The following RSAD2 variants were observed in gnomAD, a reference collection of about 807,000 sequenced individuals.
RSAD2 encodes radical S-adenosyl methionine domain containing 2, also known as S-adenosylmethionine-dependent nucleotide dehydratase RSAD2.
Under a neutral mutation model 37.7 loss-of-function variants are expected in RSAD2, and 38 were observed. The ratio of observed to expected loss-of-function variants is 1.01; its 90% CI spans 0.78 to 1.32. The LOEUF is 1.32. Ranked by LOEUF, RSAD2 falls within the 40% of genes most tolerant of loss-of-function variation. RSAD2 has a pLI of 0.00. For synonymous variants in RSAD2, 163 were observed against 157.4 expected (o/e 1.04, Z -0.27); for missense variants, 428 against 437.5 (o/e 0.98, Z 0.19).
At chr2:6,882,053 C>A (rs1237139505) in intron 1 of RSAD2, among the ~76,000 whole-genome samples, 1 of 152,142 alleles carries the variant, frequency 6.6e-6, no homozygotes, top group African/African-American at 2.4e-5. Context: ...AGAGTAAAGA[C>A]CAAGGATATT....
chr2:6,869,860 A>G (rs1663173052), intron 1 of RSAD2, among the ~76,000 whole-genome samples: 1 of 152,210 alleles, frequency 6.6e-6, no homozygotes. Context: ...CCCAGTAGCC[A>G]TTTGCTGACT....
At chr2:6,879,785 A>T (rs996807671) in intron 1 of RSAD2, among the ~76,000 whole-genome samples, 9 of 152,164 alleles carry the variant, frequency 5.9e-5, no homozygotes, top group Non-Finnish European at 1.0e-4. Flanking sequence ...TAGAGGCTTA[A>T]GAAATGTTTT....
At chr2:6,891,860 G>A (rs772020159) in intron 4 of RSAD2, among the ~76,000 whole-genome samples, 17 of 152,142 alleles carry the variant, frequency 1.1e-4, no homozygotes, top group Non-Finnish European at 2.1e-4. Context: ...TAGGTTCACA[G>A]AATGAAATGT....
intron 1 of RSAD2, among the ~76,000 whole-genome samples, chr2:6,871,140 C>T (rs939420728): frequency 5.3e-5 from 8 of 152,144 alleles, no homozygotes; most frequent in African/African-American, 1.9e-4. Flanking sequence ...CATCTCTCTT[C>T]GGGAAAATAA....
chr2:6,893,484 G>A (rs1402785380), intron 4 of RSAD2, among the ~76,000 whole-genome samples, 187 bp from the exon 5 acceptor site: 3 of 152,196 alleles, frequency 2.0e-5, no homozygotes, highest in African/African-American at 4.8e-5. Context: ...GGCCTGCTGT[G>A]ATCTGTTGAA....
At position 6,872,532 on chromosome 2, in the gene RSAD2, G is replaced by A. The variant is rs140581415; in HGVS notation, c.142+6487G>A. Among the ~76,000 whole-genome samples, 598 of 152,040 alleles carry A rather than the reference G, an allele frequency of 3.9e-3. 2 individuals are homozygous for A. Among genetic ancestry groups the A allele is most frequent in the African/African-American group, 0.014 (559 of 41,382 alleles). Reference sequence around the variant, plus strand: ...TGCAAGTGTATGAGGAGGGTAGAATGTGTTTTTTGATAAGGAAGGTTGAAA... The same window carrying A: ...TGCAAGTGTATGAGGAGGGTAGAATATGTTTTTTGATAAGGAAGGTTGAAA... On this transcript the variant is annotated intron_variant, in intron 1 of 5. Transcript: ENST00000442639.
intron 3 of RSAD2, among the ~76,000 whole-genome samples, chr2:6,889,044 T>C (rs1663577344): frequency 6.6e-6 from 1 of 152,052 alleles, no homozygotes. Context: ...CTCAATATTG[T>C]TCCCCTTCCA....
At chr2:6,873,463 AAGG>A (rs1414951205), upstream of RSAD2, among the ~76,000 whole-genome samples, 1 of 152,166 alleles carries the variant, frequency 6.6e-6, no homozygotes, top group East Asian at 1.9e-4. Context: ...AATCATACTA[AAGG>A]AGGTTTGTTT....
At chr2:6,879,280 GCTTGCCC>G in intron 1 of RSAD2, among the ~76,000 whole-genome samples, 1 of 151,910 alleles carries the variant, frequency 6.6e-6, no homozygotes, top group Non-Finnish European at 1.5e-5. Flanking sequence ...CACTGTCTCT[GCTTGCCC>G]CATTGAAAAC....
intron 3 of RSAD2, among the ~76,000 whole-genome samples, chr2:6,889,597 C>G (rs1663591042): frequency 6.6e-6 from 1 of 152,166 alleles, no homozygotes; most frequent in Admixed American, 6.5e-5. Flanking sequence ...CTCTTCACTT[C>G]TTGCCTTTTC....
intron 1 of RSAD2, among the ~76,000 whole-genome samples, chr2:6,871,583 T>G (rs1363920072): frequency 6.6e-6 from 1 of 152,244 alleles, no homozygotes; most frequent in African/African-American, 2.4e-5. Flanking sequence ...TCAACTTACT[T>G]TATTTACAGA....
chr2:6,889,745 T>C (rs1663593647), intron 3 of RSAD2, among the ~76,000 whole-genome samples: 1 of 152,234 alleles, frequency 6.6e-6, no homozygotes, highest in African/African-American at 2.4e-5. Flanking sequence ...TCTTAGGTCT[T>C]ACATGAAAAA....
intron 2 of RSAD2, among the ~76,000 whole-genome samples, chr2:6,885,664 A>G (rs1192431261): frequency 6.6e-6 from 1 of 152,230 alleles, no homozygotes; most frequent in African/African-American, 2.4e-5. Flanking sequence ...ATGGACACAT[A>G]GCAAAAGTTG....
chr2:6,873,778 A>C (rs1171562037), upstream of RSAD2, among the ~76,000 whole-genome samples: 2 of 152,314 alleles, frequency 1.3e-5, no homozygotes, highest in Admixed American at 1.3e-4. Flanking sequence ...TCTTGAAGAG[A>C]TACTAAATGA....
intron 2 of RSAD2, 142 bp downstream of exon 2, chr2:6,883,674 G>T (rs952016845): frequency 7.7e-6 from 7 of 912,478 alleles, no homozygotes; most frequent in Non-Finnish European, 1.1e-5. Context: ...TACTCTAATT[G>T]CTTTTCAAGC....
chr2:6,878,915 C>A (rs1162566586), intron 1 of RSAD2: 2 of 1,020,270 alleles, frequency 2.0e-6, no homozygotes, highest in South Asian at 1.3e-5. Flanking sequence ...CACCAGATTA[C>A]ACATATTCTG....
At chr2:6,876,040 G>C (rs1412193700), upstream of RSAD2, among the ~76,000 whole-genome samples, 1 of 152,156 alleles carries the variant, frequency 6.6e-6, no homozygotes. Context: ...CAAACACATT[G>C]CTTTAGACTA....
chr2:6,890,473 G>C, intron 4 of RSAD2, 148 bp downstream of exon 4: 4 of 797,080 alleles, frequency 5.0e-6, no homozygotes, highest in Non-Finnish European at 7.8e-6. Flanking sequence ...AGGGCAGATA[G>C]GGCTGAGGGC....
At chr2:6,870,711 A>G (rs1663188231) in intron 1 of RSAD2, among the ~76,000 whole-genome samples, 1 of 152,154 alleles carries the variant, frequency 6.6e-6, no homozygotes, top group Non-Finnish European at 1.5e-5. Context: ...GACGCTGGAG[A>G]GGACTTTCCC....
Sources: gnomAD v4.1 joint callset for allele counts (sites outside exome capture counted in the v4.1 genomes callset) on GRCh38, gnomAD v4.1.1 for gene constraint, MANE v1.5 for transcripts, NCBI Gene and HGNC (gene_info 2026-07-23, HGNC 2026-07-21) for gene names.